The following XYLT1 variants were observed in gnomAD, a reference collection of about 807,000 sequenced individuals.
XYLT1 encodes the protein xylosyltransferase 1, also known as beta-D-xylosyltransferase 1.
In XYLT1, 36 loss-of-function variants were observed where a neutral mutation model predicts 91.3. That is an observed-to-expected ratio of 0.39 (90% CI 0.30 to 0.52). The LOEUF is 0.52. XYLT1 is among the 20% of genes least tolerant of loss of function. The pLI is 0.68. For missense variants in XYLT1, 1,242 were observed against 1,284.5 expected (o/e 0.97, Z 0.51); for synonymous variants, 588 against 532.0 (o/e 1.11, Z -1.45).
intron 3 of XYLT1, chr16:17,227,262 C>G (rs1465277317): frequency 6.6e-6 from 1 of 152,292 alleles, no homozygotes; most frequent in Non-Finnish European, 1.5e-5. Context: ...AGGATGGCAC[C>G]TGAGTAAAGT....
At position 17,395,056 on chromosome 16, in the gene XYLT1, G is replaced by A. The variant is rs532709015; in HGVS notation, c.364-37006C>T. On this transcript the variant is annotated intron_variant, in intron 1 of 11. Transcript: ENST00000261381. ...TTTAACTCACTCACAGTTCCACATG[G>A]GCTGGGGAGGCCTCAGGAAACTTAC... Among the ~76,000 whole-genome samples the A allele has an allele frequency of 2.6e-5, 4 of 152,312 alleles. No individual in the cohort carries two copies. The East Asian group carries it at 7.7e-4, about 29-fold the overall frequency.
At position 17,108,725 on chromosome 16, in the gene XYLT1, C is replaced by T; in HGVS notation, c.2850G>A (p.Gly950=). The T allele has an allele frequency of 6.3e-7, 1 of 1,592,368 alleles. No individual in the cohort carries two copies. The highest frequency in any genetic ancestry group is 8.5e-7 in the Non-Finnish European group (1 of 1,171,286). Residue 950 remains glycine, a synonymous_variant, in exon 12 of 12, where the codon GGG becomes GGA. Coordinates refer to ENST00000261381, the MANE Select transcript of XYLT1 (RefSeq NM_022166.4). Reference sequence around the variant, plus strand: ...TGAGCCGGCCATCAGGTTTGACTGCCCCCAGCTCCGACTTGGGGTCAGGGC... The same window carrying T: ...TGAGCCGGCCATCAGGTTTGACTGCTCCCAGCTCCGACTTGGGGTCAGGGC... ...SFSPDPKSEL[G]AVKPDGRLR
At chr16:17,405,896 A>C (rs920844533) in intron 1 of XYLT1, among the ~76,000 whole-genome samples, 1 of 152,216 alleles carries the variant, frequency 6.6e-6, no homozygotes, top group African/African-American at 2.4e-5. Flanking sequence ...TTAAGATTTC[A>C]CTATTCAGCT....
intron 2 of XYLT1, among the ~76,000 whole-genome samples, chr16:17,320,220 GT>G (rs1035691610): frequency 6.6e-6 from 1 of 152,194 alleles, no homozygotes; most frequent in African/African-American, 2.4e-5. Flanking sequence ...AACCGTGCCT[GT>G]TTTGATTAGC....
intron 1 of XYLT1, among the ~76,000 whole-genome samples, chr16:17,447,752 C>T (rs1019004825): frequency 3.0e-5 from 4 of 132,894 alleles, no homozygotes; most frequent in Non-Finnish European, 4.6e-5. Context: ...TGTGAACAAG[C>T]GACCTTCCAC....
chr16:17,173,400 C>G (rs754499729), intron 5 of XYLT1, among the ~76,000 whole-genome samples: 37 of 152,220 alleles, frequency 2.4e-4, no homozygotes, highest in Admixed American at 2.6e-4. Context: ...TCCGAGGCAT[C>G]CACGTACATC....
intron 3 of XYLT1, among the ~76,000 whole-genome samples, chr16:17,221,507 G>A (rs1451278065): frequency 3.3e-5 from 5 of 152,124 alleles, no homozygotes; most frequent in African/African-American, 1.2e-4. Flanking sequence ...CACAGCTAGT[G>A]GCCAAGCTGG....
At chr16:17,205,324 T>C (rs948002860) in intron 3 of XYLT1, among the ~76,000 whole-genome samples, 1 of 152,260 alleles carries the variant, frequency 6.6e-6, no homozygotes, top group Admixed American at 6.5e-5. Context: ...AGGGTCAACA[T>C]GCTGTTCCAC....
chr16:17,350,955 C>T (rs1216148314), intron 2 of XYLT1, among the ~76,000 whole-genome samples: 1 of 152,148 alleles, frequency 6.6e-6, no homozygotes, highest in Non-Finnish European at 1.5e-5. Flanking sequence ...AGATCTTCTC[C>T]ATCAGTCCAG....
intron 10 of XYLT1, among the ~76,000 whole-genome samples, chr16:17,123,088 G>A (rs1358728945): frequency 3.3e-5 from 5 of 152,062 alleles, no homozygotes; most frequent in Admixed American, 3.3e-4. Context: ...TGAATTTTAG[G>A]ATTGCTTTTT....
At chr16:17,405,106 G>A (rs1007223512) in intron 1 of XYLT1, among the ~76,000 whole-genome samples, 3 of 152,212 alleles carry the variant, frequency 2.0e-5, no homozygotes, top group Non-Finnish European at 2.9e-5. Flanking sequence ...TGATGTTGCT[G>A]ATCAATGTCG....
chr16:17,418,850 A>AAAAT (rs947068736), intron 1 of XYLT1, among the ~76,000 whole-genome samples: 1 of 151,866 alleles, frequency 6.6e-6, no homozygotes. Flanking sequence ...CCTGTCTCAA[A>AAAAT]AAATAAATAA....
At chr16:17,135,677 A>T (rs1477244912) in intron 8 of XYLT1, among the ~76,000 whole-genome samples, 1 of 152,218 alleles carries the variant, frequency 6.6e-6, no homozygotes, top group Non-Finnish European at 1.5e-5. Flanking sequence ...TTAGCTGAGA[A>T]CACACAGCAA....
intron 2 of XYLT1, among the ~76,000 whole-genome samples, chr16:17,290,334 G>T (rs2034203238): frequency 6.6e-6 from 1 of 152,230 alleles, no homozygotes; most frequent in African/African-American, 2.4e-5. Context: ...AGCACCAAAG[G>T]CAGCGGAAGG....
chr16:17,280,678 T>C (rs1246157312), intron 2 of XYLT1, among the ~76,000 whole-genome samples: 1 of 152,228 alleles, frequency 6.6e-6, no homozygotes, highest in Non-Finnish European at 1.5e-5. Flanking sequence ...TTCACATTCA[T>C]GTATTTATAT....
chr16:17,229,969 T>C (rs990392054), intron 3 of XYLT1, among the ~76,000 whole-genome samples: 1 of 152,126 alleles, frequency 6.6e-6, no homozygotes, highest in African/African-American at 2.4e-5. Flanking sequence ...TGCAGGAAGG[T>C]CACGTGCTGA....
At chr16:17,123,268 T>A (rs1164636768) in intron 10 of XYLT1, among the ~76,000 whole-genome samples, 1 of 152,222 alleles carries the variant, frequency 6.6e-6, no homozygotes, top group Non-Finnish European at 1.5e-5. Flanking sequence ...GTTTTCCTTG[T>A]AGAGGTCTTT....
intron 1 of XYLT1, among the ~76,000 whole-genome samples, chr16:17,429,039 G>A (rs1338533590): frequency 6.6e-6 from 1 of 152,174 alleles, no homozygotes; most frequent in African/African-American, 2.4e-5. Context: ...AAACCTAAAG[G>A]GGATGGGAGC....
chr16:17,249,366 C>G (rs1054337003), intron 3 of XYLT1, among the ~76,000 whole-genome samples: 9 of 152,160 alleles, frequency 5.9e-5, no homozygotes. Context: ...CTAAAAGCAA[C>G]CACGTTATCT....
Sources: allele counts gnomAD v4.1 joint callset (sites outside exome capture counted in the v4.1 genomes callset), GRCh38; gene constraint gnomAD v4.1.1; transcripts MANE v1.5; gene names NCBI Gene and HGNC (gene_info 2026-07-23, HGNC 2026-07-21).